PARD3B: variants seen among roughly 807,000 people sequenced by gnomAD.
PARD3B encodes the protein par-3 family cell polarity regulator beta, also known as partitioning defective 3 homolog B.
PARD3B carries 103 observed loss-of-function variants against 130.2 expected under a neutral mutation model. The ratio of observed to expected loss-of-function variants is 0.79; its 90% CI spans 0.67 to 0.93. PARD3B has a LOEUF of 0.93. Ranked by LOEUF, PARD3B falls within the 40% of genes least tolerant of loss-of-function variation. The pLI is 0.00. For synonymous variants in PARD3B, 583 were observed against 553.2 expected, an observed-to-expected ratio of 1.05 and a Z score of -0.76; for missense variants, 1,609 against 1,499.2, an observed-to-expected ratio of 1.07 and a Z score of -1.21.
At chr2:204,714,457 A>G (rs754519144) in intron 2 of PARD3B, among the ~76,000 whole-genome samples, 55 of 152,136 alleles carry the variant, frequency 3.6e-4, no homozygotes, top group Non-Finnish European at 6.8e-4. Context: ...TAGTTATTAT[A>G]TATGAGCCAA....
intron 4 of PARD3B, among the ~76,000 whole-genome samples, chr2:205,101,414 A>G (rs1702782036): frequency 1.3e-5 from 2 of 152,268 alleles, no homozygotes; most frequent in African/African-American, 4.8e-5. Context: ...GAGATATTAA[A>G]ACCCTCATGT....
intron 21 of PARD3B, among the ~76,000 whole-genome samples, chr2:205,517,871 A>G (rs974107737): frequency 6.6e-6 from 1 of 152,134 alleles, no homozygotes; most frequent in African/African-American, 2.4e-5. Flanking sequence ...ATGTTGTTTA[A>G]TATCCATCTA....
At chr2:204,730,406 T>G (rs1413723235) in intron 2 of PARD3B, among the ~76,000 whole-genome samples, 1 of 152,108 alleles carries the variant, frequency 6.6e-6, no homozygotes, top group Non-Finnish European at 1.5e-5. Context: ...TATACTGCTC[T>G]GTAAGCAGAT....
At chr2:205,199,111 T>G (rs544468366) in intron 15 of PARD3B, among the ~76,000 whole-genome samples, 28 of 152,214 alleles carry the variant, frequency 1.8e-4, no homozygotes, top group African/African-American at 6.5e-4. Flanking sequence ...ATAAAGGAAT[T>G]ATAGAGAATG....
intron 3 of PARD3B, among the ~76,000 whole-genome samples, chr2:205,005,508 A>G (rs1396045640): frequency 2.0e-5 from 3 of 152,204 alleles, no homozygotes; most frequent in Non-Finnish European, 4.4e-5. Context: ...TAGAAATTAG[A>G]ACTGTGGCTA....
chr2:204,775,445 A>G (rs1303394861), intron 2 of PARD3B, among the ~76,000 whole-genome samples: 1 of 152,178 alleles, frequency 6.6e-6, no homozygotes, highest in Non-Finnish European at 1.5e-5. Flanking sequence ...AAAACATTTT[A>G]TAAAGTGAAT....
intron 1 of PARD3B, among the ~76,000 whole-genome samples, chr2:204,650,887 TGAGA>T (rs36111258): frequency 1.0e-4 from 15 of 147,890 alleles, no homozygotes; most frequent in South Asian, 4.3e-4. Flanking sequence ...CATGGGGGAG[TGAGA>T]GAGAGAGAGA....
intron 19 of PARD3B, among the ~76,000 whole-genome samples, chr2:205,435,064 A>C (rs1265891544): frequency 6.6e-6 from 1 of 152,100 alleles, no homozygotes; most frequent in Non-Finnish European, 1.5e-5. Flanking sequence ...ACTGAAAATT[A>C]AGTTAAATTT....
At chr2:204,976,581 A>T (rs1326457257) in intron 3 of PARD3B, among the ~76,000 whole-genome samples, 2 of 150,862 alleles carry the variant, frequency 1.3e-5, no homozygotes. Flanking sequence ...AAATAAAAAA[A>T]CTCCATGTAT....
intron 1 of PARD3B, among the ~76,000 whole-genome samples, chr2:204,577,070 T>A (rs2032301322): frequency 6.6e-6 from 1 of 152,228 alleles, no homozygotes; most frequent in Non-Finnish European, 1.5e-5. Flanking sequence ...CGTAAATTGA[T>A]CAGAGTGTAT....
intron 16 of PARD3B, among the ~76,000 whole-genome samples, chr2:205,299,742 A>G (rs7558913): frequency 6.6e-6 from 1 of 152,152 alleles, no homozygotes; most frequent in Non-Finnish European, 1.5e-5. Flanking sequence ...CAGAAAAGCA[A>G]TGATTCAAAT....
chr2:205,017,965 T>G (rs1399514936), intron 3 of PARD3B, among the ~76,000 whole-genome samples: 1 of 152,208 alleles, frequency 6.6e-6, no homozygotes, highest in Non-Finnish European at 1.5e-5. Flanking sequence ...AAATCTGTGT[T>G]TTTAAATAAC....
intron 2 of PARD3B, among the ~76,000 whole-genome samples, chr2:204,736,902 A>G (rs1012289740): frequency 2.6e-5 from 4 of 152,194 alleles, no homozygotes; most frequent in Non-Finnish European, 4.4e-5. Flanking sequence ...CCAGCAGTGT[A>G]TAACCATTCC....
intron 2 of PARD3B, among the ~76,000 whole-genome samples, chr2:204,817,656 T>C (rs1359420636): frequency 2.0e-5 from 3 of 152,132 alleles, no homozygotes; most frequent in Non-Finnish European, 4.4e-5. Context: ...TATTTCTTTG[T>C]GCAGCCCTCT....
At position 205,458,351 on chromosome 2, in the gene PARD3B, T is replaced by G. The variant is rs765044099; in HGVS notation, c.3044+17679T>G. On this transcript the variant is annotated intron_variant, in intron 20 of 22. Transcript: ENST00000406610. The surrounding 1 kb of genome is among the most constrained non-coding windows in gnomAD (Gnocchi z 4.8). ...TCTCTCCCTTCCTTCTGGGATCCAA[T>G]AAAGCAAAAATATTTGACCTTTCTG... Among the ~76,000 whole-genome samples, 11 of 151,932 alleles carry G rather than the reference T, an allele frequency of 7.2e-5. No homozygotes were observed. Among genetic ancestry groups the G allele is most frequent in the Non-Finnish European group, 1.6e-4 (11 of 67,966 alleles).
chr2:205,293,145 A>C (rs924488312), intron 16 of PARD3B, among the ~76,000 whole-genome samples: 1 of 152,202 alleles, frequency 6.6e-6, no homozygotes, highest in Non-Finnish European at 1.5e-5. Context: ...ACCTTAAAAA[A>C]TACAGGTGCC....
At chr2:205,152,575 T>C (rs2033833647) in intron 10 of PARD3B, among the ~76,000 whole-genome samples, 1 of 152,232 alleles carries the variant, frequency 6.6e-6, no homozygotes, top group Admixed American at 6.5e-5. Flanking sequence ...ATGTGTCACG[T>C]AGTTCTCTTG....
chr2:204,802,303 G>A (rs2042599838), intron 2 of PARD3B, among the ~76,000 whole-genome samples: 1 of 152,116 alleles, frequency 6.6e-6, no homozygotes, highest in South Asian at 2.1e-4. Flanking sequence ...ACCATGTCAT[G>A]CCAGATTGAA....
intron 2 of PARD3B, among the ~76,000 whole-genome samples, chr2:204,839,364 C>G (rs532178108): frequency 6.6e-6 from 1 of 152,170 alleles, no homozygotes; most frequent in Non-Finnish European, 1.5e-5. Flanking sequence ...AAAGTATTCT[C>G]TTACTTCTAG....
Sources: gnomAD v4.1 joint callset for allele counts (sites outside exome capture counted in the v4.1 genomes callset) on GRCh38, gnomAD v4.1.1 for gene constraint, Gnocchi (gnomAD v3.1) non-coding constraint, MANE v1.5 for transcripts, NCBI Gene and HGNC (gene_info 2026-07-23, HGNC 2026-07-21) for gene names.